Variants in ZGRF1 observed in about 807,000 individuals in gnomAD.
ZGRF1 encodes the protein 5'-3' DNA helicase ZGRF1.
ZGRF1 carries 196 observed loss-of-function variants against 203.5 expected under a neutral mutation model. That is an observed-to-expected ratio of 0.96 (90% CI 0.86 to 1.08). ZGRF1 has a LOEUF of 1.08. ZGRF1 is among the 50% of genes least tolerant of loss of function. ZGRF1 has a pLI of 0.00. For missense variants in ZGRF1, 2,326 were observed against 2,416.3 expected (o/e 0.96, Z 0.78); for synonymous variants, 809 against 841.3 (o/e 0.96, Z 0.66).
intron 24 of ZGRF1, among the ~76,000 whole-genome samples, chr4:112,542,045 G>A (rs1481305052): frequency 3.3e-5 from 5 of 152,058 alleles, no homozygotes; most frequent in African/African-American, 9.7e-5. Context: ...AAGTTCTGTA[G>A]TAAATAATGC....
At chr4:112,593,240 C>T (rs1748468321) in intron 10 of ZGRF1, among the ~76,000 whole-genome samples, 1 of 152,160 alleles carries the variant, frequency 6.6e-6, no homozygotes, top group Non-Finnish European at 1.5e-5. Context: ...CTTTCTTTCA[C>T]CCTACTCCTT....
At chr4:112,589,529 T>C (rs188805216) in intron 11 of ZGRF1, 195 bp downstream of exon 11, 3 of 568,140 alleles carry the variant, frequency 5.3e-6, no homozygotes, top group East Asian at 2.8e-5. Flanking sequence ...AGGAACTAGA[T>C]AGCTAGAAGG....
chr4:112,626,243 A>C (rs901379793), intron 3 of ZGRF1, among the ~76,000 whole-genome samples: 1 of 152,238 alleles, frequency 6.6e-6, no homozygotes, highest in Non-Finnish European at 1.5e-5. Flanking sequence ...AAGTGTGTGA[A>C]GTGTGAATTA....
intron 16 of ZGRF1, among the ~76,000 whole-genome samples, chr4:112,576,823 G>A (rs1334850276): frequency 6.6e-6 from 1 of 152,060 alleles, no homozygotes; most frequent in African/African-American, 2.4e-5. Flanking sequence ...GAAAGTGACA[G>A]GGAGAATGGA....
At chr4:112,567,735 G>C (rs950214902) in intron 16 of ZGRF1, among the ~76,000 whole-genome samples, 2 of 152,124 alleles carry the variant, frequency 1.3e-5, no homozygotes, top group African/African-American at 2.4e-5. Context: ...AGATGTGCCA[G>C]GGCAACATAG....
intron 16 of ZGRF1, among the ~76,000 whole-genome samples, chr4:112,565,992 C>A (rs895672174): frequency 3.3e-5 from 5 of 152,200 alleles, no homozygotes; most frequent in Non-Finnish European, 7.3e-5. Context: ...CATCCCATTA[C>A]TGGGTATACA....
intron 3 of ZGRF1, among the ~76,000 whole-genome samples, chr4:112,625,155 T>C (rs1231909324): frequency 6.6e-6 from 1 of 152,168 alleles, no homozygotes; most frequent in African/African-American, 2.4e-5. Flanking sequence ...GACATGGTGG[T>C]GCAAGCCTAA....
At chr4:112,599,554 TAA>T (rs558887822) in intron 10 of ZGRF1, among the ~76,000 whole-genome samples, 90 of 127,648 alleles carry the variant, frequency 7.1e-4, no homozygotes, top group Non-Finnish European at 4.6e-4. Flanking sequence ...ACCCTGTGTC[TAA>T]AAAAAAAAAA....
intron 16 of ZGRF1, among the ~76,000 whole-genome samples, chr4:112,578,626 A>C (rs1434613533): frequency 8.1e-6 from 1 of 123,052 alleles, no homozygotes; most frequent in Non-Finnish European, 1.8e-5. Context: ...ACTACCATCA[A>C]AGAATACTAT....
chr4:112,547,525 A>G, intron 23 of ZGRF1, 117 bp from the exon 24 acceptor site: 2 of 897,886 alleles, frequency 2.2e-6, no homozygotes, highest in Non-Finnish European at 3.3e-6. Context: ...AAGTATCCTG[A>G]GTACTAATAA....
intron 3 of ZGRF1, 23 bp downstream of exon 3, chr4:112,631,905 CTA>C (rs2047423600): frequency 7.2e-7 from 1 of 1,388,840 alleles, no homozygotes; most frequent in Non-Finnish European, 9.9e-7. Flanking sequence ...CTCTTGCACC[CTA>C]TAGTCAACTG....
intron 24 of ZGRF1, 120 bp downstream of exon 24, chr4:112,547,165 C>T (rs1227798461): frequency 7.8e-6 from 8 of 1,022,398 alleles, no homozygotes; most frequent in Non-Finnish European, 1.1e-5. Context: ...CAGACAACTC[C>T]AATTATACAT....
chr4:112,604,660 G>A (rs975600666), intron 9 of ZGRF1, among the ~76,000 whole-genome samples: 6 of 152,180 alleles, frequency 3.9e-5, no homozygotes, highest in Non-Finnish European at 7.3e-5. Context: ...CTGCCTCTCA[G>A]TAGAAAGATG....
chr4:112,592,599 GCT>G (rs1002851175), intron 10 of ZGRF1, among the ~76,000 whole-genome samples: 1 of 151,918 alleles, frequency 6.6e-6, no homozygotes, highest in Non-Finnish European at 1.5e-5. Context: ...TCTTCTCTAT[GCT>G]CTCTTTAAAT....
intron 9 of ZGRF1, 63 bp from the exon 10 acceptor site, chr4:112,603,760 G>C: frequency 8.0e-7 from 1 of 1,246,720 alleles, no homozygotes. Context: ...TATTCACAAA[G>C]TAAACACACA....
intron 16 of ZGRF1, among the ~76,000 whole-genome samples, chr4:112,573,383 G>A (rs558174460): frequency 6.6e-6 from 1 of 152,128 alleles, no homozygotes; most frequent in African/African-American, 2.4e-5. Flanking sequence ...ATAATACAAT[G>A]GACTTTGGGG....
chr4:112,612,471 A>C, intron 7 of ZGRF1, 53 bp downstream of exon 7: 1 of 1,151,808 alleles, frequency 8.7e-7, no homozygotes, highest in Non-Finnish European at 1.3e-6. Context: ...TACAAATTAT[A>C]GAACATTCTT....
intron 24 of ZGRF1, among the ~76,000 whole-genome samples, chr4:112,544,812 T>C (rs1475746510): frequency 6.6e-6 from 1 of 152,176 alleles, no homozygotes; most frequent in South Asian, 2.1e-4. Flanking sequence ...TGGAAAAGAA[T>C]AGAAAGTCCA....
chr4:112,602,422 T>A (rs1357832964), intron 10 of ZGRF1, among the ~76,000 whole-genome samples: 1 of 152,234 alleles, frequency 6.6e-6, no homozygotes, highest in Non-Finnish European at 1.5e-5. Flanking sequence ...GGCACTCTCA[T>A]ACACTCCTAA....
Sources: allele counts gnomAD v4.1 joint callset (sites outside exome capture counted in the v4.1 genomes callset), GRCh38; gene constraint gnomAD v4.1.1; transcripts MANE v1.5; gene names NCBI Gene and HGNC (gene_info 2026-07-23, HGNC 2026-07-21).